EML5: variants seen among roughly 807,000 people sequenced by gnomAD.
EML5 encodes the protein echinoderm microtubule-associated protein-like 5.
Under a neutral mutation model 250.0 loss-of-function variants are expected in EML5, and 120 were observed. That is an observed-to-expected ratio of 0.48 (90% CI 0.41 to 0.56). The LOEUF (loss-of-function observed/expected upper bound fraction) is 0.56. Among genes scored for constraint, EML5 ranks in the 20% least tolerant of loss-of-function variants. The probability of loss-of-function intolerance (pLI) is 0.00; values close to 1 mark genes in which losing one functional copy is unlikely to be tolerated. For missense variants in EML5, 2,006 were observed against 2,437.6 expected, an observed-to-expected ratio of 0.82 and a Z score of 3.73; for synonymous variants, 771 against 806.5, an observed-to-expected ratio of 0.96 and a Z score of 0.75.
chr14:88,693,527 G>T (rs2093006272), intron 17 of EML5, among the ~76,000 whole-genome samples: 1 of 152,098 alleles, frequency 6.6e-6, no homozygotes, highest in Non-Finnish European at 1.5e-5. Context: ...GACACATAGG[G>T]ATTATTACAA....
At chr14:88,695,209 CTATGAT>C (rs72147146) in intron 16 of EML5, among the ~76,000 whole-genome samples, 146 bp downstream of exon 16, 35,859 of 151,610 alleles carry the variant, frequency 0.24, 4,360 homozygotes, top group East Asian at 0.37. Context: ...AAATCATTTA[CTATGAT>C]TATATTATTT....
intron 1 of EML5, among the ~76,000 whole-genome samples, chr14:88,774,559 G>A (rs533258502): frequency 6.6e-6 from 1 of 152,120 alleles, no homozygotes; most frequent in Non-Finnish European, 1.5e-5. Flanking sequence ...CTTCGCTAAG[G>A]TGAAGCAGTC....
At chr14:88,752,505 T>TATATGGTG (rs1299680233) in intron 2 of EML5, among the ~76,000 whole-genome samples, 11 of 152,218 alleles carry the variant, frequency 7.2e-5, no homozygotes, top group African/African-American at 2.7e-4. Flanking sequence ...CAAACACTGC[T>TATATGGTG]ATATGGTGAT....
At chr14:88,643,174 T>G (rs998942175) in intron 30 of EML5, among the ~76,000 whole-genome samples, 152 bp from the exon 31 acceptor site, 15 of 152,178 alleles carry the variant, frequency 9.9e-5, no homozygotes, top group African/African-American at 3.6e-4. Flanking sequence ...ATTAAGCTAC[T>G]CATACTTCTT....
intron 32 of EML5, among the ~76,000 whole-genome samples, chr14:88,638,004 G>A (rs751867100): frequency 5.9e-5 from 9 of 152,024 alleles, no homozygotes; most frequent in Middle Eastern, 3.2e-3. Flanking sequence ...CTTAGTACTC[G>A]CATGAAAAAT....
intron 33 of EML5, among the ~76,000 whole-genome samples, chr14:88,633,175 C>A (rs1213311173): frequency 6.6e-6 from 1 of 152,162 alleles, no homozygotes; most frequent in African/African-American, 2.4e-5. Flanking sequence ...CTGAATGTTA[C>A]CACCTCTGAA....
At chr14:88,640,157 TAG>T (rs1301650429) in intron 31 of EML5, among the ~76,000 whole-genome samples, 2,171 of 152,274 alleles carry the variant, frequency 0.014, 44 homozygotes, top group African/African-American at 0.05. Flanking sequence ...ATCATCAAGG[TAG>T]AAAACTAACA....
Position 88,616,232 on chromosome 14 carries a change from T to C in EML5, c.5807A>G (p.Lys1936Arg). Residue 1936 changes from lysine to arginine, a missense_variant, in exon 43 of 44, where the codon AAA becomes AGA. Coordinates refer to ENST00000554922, the MANE Select transcript of EML5 (RefSeq NM_183387.3). ...FPCPEKFAKH[K>R]RFLGHSPHVT... is the part of the protein sequence containing the mutation. ...ATGGGGCGAATGACCCAAGAACCTT[T>C]TGTGTTTTGCCTAAAAAACAATGAC... is the stretch of plus-strand genomic sequence containing the variant. 6.2e-7 allele frequency: 1 copy of C among 1,613,858 alleles called. No individual in the cohort carries two copies. Among genetic ancestry groups the C allele is most frequent in the Non-Finnish European group, 8.5e-7 (1 of 1,179,770 alleles).
At chr14:88,648,945 T>C (rs2091486409) in intron 28 of EML5, among the ~76,000 whole-genome samples, 1 of 152,126 alleles carries the variant, frequency 6.6e-6, no homozygotes, top group South Asian at 2.1e-4. Context: ...AACAGGTGCC[T>C]ATTATTTGAG....
chr14:88,769,115 A>AT (rs1226385723), intron 1 of EML5, among the ~76,000 whole-genome samples: 1 of 152,216 alleles, frequency 6.6e-6, no homozygotes, highest in Non-Finnish European at 1.5e-5. Flanking sequence ...AGCTATTAAA[A>AT]TTTTGTAGTG....
At chr14:88,694,958 GA>G (rs1177223220) in intron 16 of EML5, among the ~76,000 whole-genome samples, 1 of 151,776 alleles carries the variant, frequency 6.6e-6, no homozygotes. Context: ...AGAAAATGAA[GA>G]AAAATATAAG....
intron 19 of EML5, among the ~76,000 whole-genome samples, chr14:88,686,231 A>C (rs2092828952): frequency 6.6e-6 from 1 of 152,112 alleles, no homozygotes; most frequent in Non-Finnish European, 1.5e-5. Flanking sequence ...TTTAGGAAAA[A>C]GTAAAAACAG....
rs921937392 is a variant in EML5 at position 88,695,387 on chromosome 14, C to A, written c.2412G>T (p.Lys804Asn). Residue 804 changes from lysine (K) to asparagine (N), a missense_variant, in exon 16 of 44, where the codon AAG (lysine) becomes AAT (asparagine). This residue lies in a region of EML5 where 1,375 missense variants were observed against 1,590.3 expected (regional missense o/e 0.86). Coordinates refer to ENST00000554922, the MANE Select transcript of EML5 (RefSeq NM_183387.3). ...DSHTVVLWDW[K>N]KGEKLSIARG... The stretch of plus-strand genomic sequence containing the variant: ...TTGCTATTGAAAGTTTCTCTCCTTT[C>A]TTCCAGTCCCAGAGCACAACAGTAT... 1.1e-5 allele frequency: 17 copies of A among 1,611,746 alleles called. No homozygotes were observed. Among genetic ancestry groups the A allele is most frequent in the East Asian group, 2.2e-5 (1 of 44,808 alleles).
intron 1 of EML5, among the ~76,000 whole-genome samples, chr14:88,773,938 G>T (rs994797423): frequency 6.6e-6 from 1 of 152,090 alleles, no homozygotes; most frequent in Non-Finnish European, 1.5e-5. Flanking sequence ...GGCCAACATG[G>T]TAAAACCCCA....
chr14:88,645,712 A>C (rs1164210106), intron 29 of EML5, among the ~76,000 whole-genome samples: 1 of 152,214 alleles, frequency 6.6e-6, no homozygotes, highest in African/African-American at 2.4e-5. Context: ...TATAGTCACA[A>C]AGCACTGTAA....
intron 21 of EML5, among the ~76,000 whole-genome samples, chr14:88,667,104 A>G (rs10133077): frequency 0.11 from 17,453 of 152,186 alleles, 1,121 homozygotes; most frequent in African/African-American, 0.16. Flanking sequence ...GATGGGATAA[A>G]CTAGAGGAGG....
At chr14:88,745,173 G>T (rs1051198219) in intron 3 of EML5, among the ~76,000 whole-genome samples, 3 of 150,122 alleles carry the variant, frequency 2.0e-5, no homozygotes, top group East Asian at 2.0e-4. Flanking sequence ...GTGTTTGTGT[G>T]TGTGTGTGTG....
rs764061828 is a variant in EML5, at chr14:88,746,233, G to A, written c.408C>T (p.Asp136=). 65 of 1,613,224 alleles carry A rather than the reference G, an allele frequency of 4.0e-5. No individual in the cohort carries two copies. Among genetic ancestry groups the A allele is most frequent in the Admixed American group, 8.3e-5 (5 of 59,958 alleles). The part of the protein sequence containing the change: ...LDSKNAVCVW[D]WKRGKMLSMA... Reference sequence around the variant, plus strand: ...TAGACAACATTTTTCCCCTTTTCCAGTCCCAAACACAAACTGCATTCTTTG... The same window carrying A: ...TAGACAACATTTTTCCCCTTTTCCAATCCCAAACACAAACTGCATTCTTTG... Residue 136 remains aspartate, a synonymous_variant, in exon 3 of 44, where the codon GAC becomes GAT. Coordinates refer to ENST00000554922, the MANE Select transcript of EML5 (RefSeq NM_183387.3).
chr14:88,648,707 G>A (rs755030047), intron 28 of EML5, among the ~76,000 whole-genome samples: 4 of 151,886 alleles, frequency 2.6e-5, no homozygotes, highest in Non-Finnish European at 4.4e-5. Flanking sequence ...TTCCTCCTGT[G>A]CTTTCTTCTA....
Sources: allele counts gnomAD v4.1 joint callset (sites outside exome capture counted in the v4.1 genomes callset), GRCh38; gene constraint gnomAD v4.1.1; regional missense constraint gnomAD v4.1.1; transcripts MANE v1.5; gene names NCBI Gene and HGNC (gene_info 2026-07-23, HGNC 2026-07-21).